The following CLVS1 variants were observed in gnomAD, a reference collection of about 807,000 sequenced individuals.
CLVS1 encodes the protein clavesin 1.
A neutral mutation model predicts 33.1 loss-of-function variants in CLVS1; 10 were observed. That is an observed-to-expected ratio of 0.30 (90% CI 0.19 to 0.51). CLVS1 has a LOEUF of 0.51. Ranked by LOEUF, CLVS1 falls within the 20% of genes least tolerant of loss-of-function variation. CLVS1 has a pLI of 0.97. For missense variants in CLVS1, 343 were observed against 433.4 expected (o/e 0.79, Z 1.85); for synonymous variants, 163 against 166.1 (o/e 0.98, Z 0.14).
chr8:61,023,108 A>G, the CLVS1 span, among the ~76,000 whole-genome samples: 5 of 152,244 alleles, frequency 3.3e-5, no homozygotes, highest in African/African-American at 1.2e-4. Flanking sequence ...AGGAAAATAA[A>G]TATTATAGAT....
chr8:61,338,499 A>T (rs1811886054), intron 2 of CLVS1, among the ~76,000 whole-genome samples: 1 of 152,200 alleles, frequency 6.6e-6, no homozygotes, highest in Admixed American at 6.5e-5. Context: ...TTCCCAGGTG[A>T]TGCTAACGCT....
chr8:61,392,842 C>CAAAAA (rs570764748), intron 3 of CLVS1, among the ~76,000 whole-genome samples: 39 of 149,588 alleles, frequency 2.6e-4, no homozygotes, highest in African/African-American at 9.3e-4. Context: ...GACTCTGTCT[C>CAAAAA]AAAAAAAACA....
intron 5 of CLVS1, among the ~76,000 whole-genome samples, chr8:61,478,534 G>GTTCTTCTTGTTGAATTGATCCCTTTACCA: frequency 6.6e-6 from 1 of 152,292 alleles, no homozygotes; most frequent in East Asian, 1.9e-4. Flanking sequence ...AGGATAGTTA[G>GTTCTTCTTGTTGAATTGATCCCTTTACCA]TTCTTCTTGT....
the CLVS1 span, among the ~76,000 whole-genome samples, chr8:61,036,046 G>A: frequency 6.6e-6 from 1 of 151,966 alleles, no homozygotes; most frequent in Non-Finnish European, 1.5e-5. Context: ...TGCCACCACG[G>A]CCTCCACCAC....
chr8:61,483,471 G>A (rs1009252428), intron 5 of CLVS1, among the ~76,000 whole-genome samples: 24 of 152,266 alleles, frequency 1.6e-4, no homozygotes, highest in African/African-American at 5.5e-4. Flanking sequence ...ACCAAAAAAA[G>A]TCCAGGACCA....
intron 2 of CLVS1, among the ~76,000 whole-genome samples, chr8:61,345,028 A>C (rs1276059464): frequency 6.6e-6 from 1 of 152,218 alleles, no homozygotes; most frequent in Non-Finnish European, 1.5e-5. Flanking sequence ...GGATTTGCTC[A>C]TCTGCTGCTA....
intron 2 of CLVS1, among the ~76,000 whole-genome samples, chr8:61,171,613 T>A (rs1807001592): frequency 6.6e-6 from 1 of 152,092 alleles, no homozygotes; most frequent in Non-Finnish European, 1.5e-5. Flanking sequence ...ATGAAATAAG[T>A]CAACAGGATT....
At chr8:61,248,417 T>A (rs945962469) in intron 2 of CLVS1, among the ~76,000 whole-genome samples, 3 of 152,200 alleles carry the variant, frequency 2.0e-5, no homozygotes, top group African/African-American at 7.2e-5. Flanking sequence ...TTCCTATCCA[T>A]GAGCCTGGGA....
chr8:61,261,544 G>A (rs1809203315), intron 2 of CLVS1, among the ~76,000 whole-genome samples: 1 of 152,106 alleles, frequency 6.6e-6, no homozygotes, highest in Non-Finnish European at 1.5e-5. Flanking sequence ...CACATTTATA[G>A]GTTGAAGTCC....
At chr8:61,460,971 C>T (rs1040717776) in intron 5 of CLVS1, among the ~76,000 whole-genome samples, 3 of 152,196 alleles carry the variant, frequency 2.0e-5, no homozygotes, top group African/African-American at 7.2e-5. Context: ...CTTGTCTGTT[C>T]CTGATTTGAG....
chr8:61,098,184 C>T (rs1259333769), intron 1 of CLVS1, among the ~76,000 whole-genome samples: 2 of 151,734 alleles, frequency 1.3e-5, no homozygotes, highest in African/African-American at 2.4e-5. Flanking sequence ...AGAAAGAGAG[C>T]GAGCAAGGGA....
At chr8:61,168,935 C>G (rs926617923) in intron 2 of CLVS1, among the ~76,000 whole-genome samples, 6 of 152,230 alleles carry the variant, frequency 3.9e-5, no homozygotes, top group Non-Finnish European at 8.8e-5. Flanking sequence ...CAGACGTCAA[C>G]TTTTAATTTT....
chr8:61,395,033 C>T (rs371598982), intron 3 of CLVS1, among the ~76,000 whole-genome samples: 1 of 152,230 alleles, frequency 6.6e-6, no homozygotes, highest in African/African-American at 2.4e-5. Context: ...CAATTGTTTT[C>T]TTGCTATGGC....
chr8:61,002,406 T>A, the CLVS1 span, among the ~76,000 whole-genome samples: 4 of 147,454 alleles, frequency 2.7e-5, no homozygotes. Flanking sequence ...CTTGGCTCAC[T>A]GCAGCCTCTG....
At chr8:61,365,458 C>T (rs1036509522) in intron 2 of CLVS1, among the ~76,000 whole-genome samples, 3 of 151,448 alleles carry the variant, frequency 2.0e-5, no homozygotes, top group African/African-American at 7.3e-5. Context: ...ACCCTGGGGG[C>T]AGAGGTTGCA....
At chr8:61,367,074 A>C (rs539274634) in intron 2 of CLVS1, among the ~76,000 whole-genome samples, 9 of 152,050 alleles carry the variant, frequency 5.9e-5, no homozygotes, top group African/African-American at 2.2e-4. Flanking sequence ...ACTATCCTTC[A>C]TGGTTCCTCC....
chr8:61,449,573 T>G (rs1338640314), intron 3 of CLVS1, among the ~76,000 whole-genome samples: 1 of 152,222 alleles, frequency 6.6e-6, no homozygotes, highest in Non-Finnish European at 1.5e-5. Flanking sequence ...GATGTTTGAC[T>G]GGCATAGAGC....
intron 5 of CLVS1, among the ~76,000 whole-genome samples, chr8:61,479,101 C>T (rs937505566): frequency 3.3e-5 from 5 of 152,078 alleles, no homozygotes; most frequent in Non-Finnish European, 7.4e-5. Flanking sequence ...GGCATTCTCT[C>T]TATTTCCTGA....
At chr8:61,274,144 C>G (rs1166289288) in intron 2 of CLVS1, 1 of 152,186 alleles carries the variant, frequency 6.6e-6, no homozygotes, top group Non-Finnish European at 1.5e-5. Context: ...AAACATTTCA[C>G]ATGGTATTAG....
Sources: allele counts gnomAD v4.1 joint callset (sites outside exome capture counted in the v4.1 genomes callset), GRCh38; gene constraint gnomAD v4.1.1; transcripts MANE v1.5; gene names NCBI Gene and HGNC (gene_info 2026-07-23, HGNC 2026-07-21).